The following PEBP4 variants were observed in gnomAD, a reference collection of about 807,000 sequenced individuals.
PEBP4 encodes phosphatidylethanolamine binding protein 4.
PEBP4 carries 22 observed loss-of-function variants against 23.9 expected under a neutral mutation model. The ratio of observed to expected loss-of-function variants is 0.92; its 90% CI spans 0.66 to 1.31. The LOEUF is 1.31. Ranked by LOEUF, PEBP4 falls within the 40% of genes most tolerant of loss-of-function variation. PEBP4 has a pLI of 0.00. For synonymous variants in PEBP4, 112 were observed against 99.3 expected (o/e 1.13, Z -0.76); for missense variants, 324 against 281.7 (o/e 1.15, Z -1.07).
chr8:22,851,071 G>A, intron 3 of PEBP4, among the ~76,000 whole-genome samples: 1 of 152,214 alleles, frequency 6.6e-6, no homozygotes, highest in Non-Finnish European at 1.5e-5. Context: ...ACAAACTGAA[G>A]ATCGAGAGGC....
At chr8:22,810,211 C>T (rs1161413471) in intron 4 of PEBP4, among the ~76,000 whole-genome samples, 2 of 152,218 alleles carry the variant, frequency 1.3e-5, no homozygotes, top group Non-Finnish European at 2.9e-5. Flanking sequence ...TTTCCTACTT[C>T]CTTCCGCTGC....
At position 22,740,447 on chromosome 8, in the gene PEBP4, A is replaced by G. The variant is rs560150006; in HGVS notation, c.358-13227T>C. 1.4e-4 allele frequency among the ~76,000 whole-genome samples: 22 copies of G among 152,340 alleles called. No individual in the cohort carries two copies. In the East Asian group the frequency reaches 4.0e-3, roughly 28 times the overall value. On this transcript the variant is annotated intron_variant, in intron 4 of 6. Coordinates refer to ENST00000256404, the MANE Select transcript of PEBP4 (RefSeq NM_144962.3). ...CTCTCTCAGGCTCAACCCTAGACCC[A>G]GTGAACCAGAAGCTTCCTCTTAACA... is the stretch of plus-strand genomic sequence containing the variant.
At chr8:22,878,066 T>G (rs1216319690) in intron 3 of PEBP4, 1 of 151,524 alleles carries the variant, frequency 6.6e-6, no homozygotes, top group Non-Finnish European at 1.5e-5. Flanking sequence ...CCTCCCCACC[T>G]CCTCCCACAC....
At chr8:22,846,013 C>A (rs775867989) in intron 3 of PEBP4, among the ~76,000 whole-genome samples, 4 of 152,212 alleles carry the variant, frequency 2.6e-5, no homozygotes, top group Non-Finnish European at 5.9e-5. Context: ...CTGGGACAGC[C>A]GCTAAGTGGG....
At chr8:22,787,232 G>A (rs1033039278) in intron 4 of PEBP4, among the ~76,000 whole-genome samples, 1 of 152,192 alleles carries the variant, frequency 6.6e-6, no homozygotes, top group African/African-American at 2.4e-5. Context: ...ATTTGCACAG[G>A]TGAGGAGAGG....
chr8:22,881,071 G>T, intron 3 of PEBP4, among the ~76,000 whole-genome samples: 1 of 152,242 alleles, frequency 6.6e-6, no homozygotes, highest in African/African-American at 2.4e-5. Flanking sequence ...GTACTGGCAG[G>T]AAATTAAAGT....
intron 4 of PEBP4, among the ~76,000 whole-genome samples, chr8:22,810,520 G>A (rs188256481): frequency 1.3e-5 from 2 of 152,184 alleles, no homozygotes; most frequent in East Asian, 3.9e-4. Context: ...CCTCATGTCA[G>A]GGCAAGGATG....
intron 4 of PEBP4, among the ~76,000 whole-genome samples, chr8:22,779,936 A>G (rs1585268263): frequency 6.6e-6 from 1 of 151,348 alleles, no homozygotes; most frequent in East Asian, 2.0e-4. Context: ...ATTCCCAGGC[A>G]TCTTGTTTTT....
At chr8:22,789,269 G>A (rs933628001) in intron 4 of PEBP4, among the ~76,000 whole-genome samples, 1 of 152,228 alleles carries the variant, frequency 6.6e-6, no homozygotes, top group African/African-American at 2.4e-5. Flanking sequence ...TCAAGGAAGC[G>A]GAGAAATTCT....
chr8:22,912,614 G>A (rs576025973), intron 3 of PEBP4, among the ~76,000 whole-genome samples: 7 of 152,336 alleles, frequency 4.6e-5, no homozygotes, highest in African/African-American at 7.2e-5. Flanking sequence ...GATAATCCCC[G>A]CTCTATCCAT....
intron 3 of PEBP4, among the ~76,000 whole-genome samples, chr8:22,915,601 A>G (rs543786472): frequency 6.4e-4 from 97 of 152,254 alleles, no homozygotes; most frequent in Admixed American, 5.8e-3. Context: ...GTTCAGTAAT[A>G]TTTACGAAGT....
chr8:22,920,844 T>C (rs774274134), intron 2 of PEBP4, among the ~76,000 whole-genome samples: 2 of 152,244 alleles, frequency 1.3e-5, no homozygotes, highest in Non-Finnish European at 2.9e-5. Flanking sequence ...AGGTGAAGAA[T>C]TGGCTTCTTT....
chr8:22,762,612 C>T lies in PEBP4; in HGVS notation c.358-35392G>A, dbSNP rs190110334. Among the ~76,000 whole-genome samples, 121 of 152,252 alleles carry T rather than the reference C, an allele frequency of 7.9e-4. 1 individual carries two copies. Among genetic ancestry groups the T allele is most frequent in the African/African-American group, 2.9e-3 (121 of 41,550 alleles). ...CCATCTGGTTTCTTCTCGGTCAGGC[C>T]TCCAATTCCCATGCCGTTGCAGAGA... is the stretch of plus-strand genomic sequence containing the variant. On this transcript the variant is annotated intron_variant, in intron 4 of 6. Coordinates refer to ENST00000256404, the MANE Select transcript of PEBP4 (RefSeq NM_144962.3).
chr8:22,844,982 A>G (rs1423283177), intron 3 of PEBP4, among the ~76,000 whole-genome samples: 4 of 152,300 alleles, frequency 2.6e-5, no homozygotes, highest in African/African-American at 9.6e-5. Flanking sequence ...GGGTCATGGC[A>G]AACTAAAGCC....
chr8:22,733,606 G>C (rs182003622), intron 4 of PEBP4, among the ~76,000 whole-genome samples: 313 of 152,230 alleles, frequency 2.1e-3, no homozygotes, highest in South Asian at 7.0e-3. Flanking sequence ...ACTCAGGCTC[G>C]TGGTGCCTCA....
At chr8:22,755,708 T>G (rs1434933556) in intron 4 of PEBP4, 1 of 152,194 alleles carries the variant, frequency 6.6e-6, no homozygotes, top group Non-Finnish European at 1.5e-5. Context: ...TGTTAGACAT[T>G]TATTGTTCTT....
intron 4 of PEBP4, among the ~76,000 whole-genome samples, chr8:22,811,533 A>C (rs551930887): frequency 6.6e-6 from 1 of 152,304 alleles, no homozygotes; most frequent in East Asian, 1.9e-4. Context: ...GCTTCTGTTA[A>C]AAATAGAGGT....
intron 6 of PEBP4, among the ~76,000 whole-genome samples, chr8:22,719,284 G>A (rs1387329273): frequency 6.6e-6 from 1 of 152,234 alleles, no homozygotes; most frequent in Non-Finnish European, 1.5e-5. Flanking sequence ...CATCCTGGGC[G>A]CTCGGCCTTG....
chr8:22,743,531 C>T (rs578154621), intron 4 of PEBP4, among the ~76,000 whole-genome samples: 1 of 152,336 alleles, frequency 6.6e-6, no homozygotes, highest in East Asian at 1.9e-4. Context: ...CAGACCACAG[C>T]TGTTTGGAGT....
Sources: allele counts gnomAD v4.1 joint callset (sites outside exome capture counted in the v4.1 genomes callset), GRCh38; gene constraint gnomAD v4.1.1; transcripts MANE v1.5; gene names NCBI Gene and HGNC (gene_info 2026-07-23, HGNC 2026-07-21).